The following LEPR variants were observed in gnomAD, a reference collection of about 807,000 sequenced individuals.
The protein encoded by LEPR is OB receptor.
Under a neutral mutation model 114.7 loss-of-function variants are expected in LEPR, and 56 were observed. The ratio of observed to expected loss-of-function variants is 0.49; its 90% CI spans 0.39 to 0.61. The LOEUF is 0.61. Among genes scored for constraint, LEPR ranks in the 20% least tolerant of loss-of-function variants. The pLI is 0.00. For missense variants in LEPR, 1,202 were observed against 1,352.9 expected, an observed-to-expected ratio of 0.89 and a Z score of 1.75; for synonymous variants, 443 against 461.4, an observed-to-expected ratio of 0.96 and a Z score of 0.51.
At chr1:65,542,751 A>G (rs1651329119) in intron 2 of LEPR, among the ~76,000 whole-genome samples, 1 of 151,906 alleles carries the variant, frequency 6.6e-6, no homozygotes. Context: ...GCTGAGAATG[A>G]TGGTTTCCAG....
Position 65,572,405 on chromosome 1 carries a change from T to G in LEPR, c.450T>G (p.Asn150Lys). Residue 150 changes from asparagine to lysine, a missense_variant, in exon 5 of 20, where the codon AAT becomes AAG. Transcript: ENST00000349533. The stretch of plus-strand genomic sequence containing the variant: ...GTTATGTGGAGTCATTATTTAAGAA[T>G]CTATTCAGGAATTATAACTATAAGG... ...FICYVESLFK[N>K]LFRNYNYKVH... is the part of the protein sequence containing the mutation. The G allele has an allele frequency of 6.4e-7, 1 of 1,557,868 alleles. No homozygotes were observed. The highest frequency in any genetic ancestry group is 8.7e-7 in the Non-Finnish European group (1 of 1,144,158).
intron 2 of LEPR, among the ~76,000 whole-genome samples, chr1:65,472,411 A>ACACAC (rs1553156042): frequency 2.3e-5 from 3 of 133,286 alleles, no homozygotes; most frequent in African/African-American, 8.7e-5. Context: ...CTGTGGCTAA[A>ACACAC]ACACACACAC....
At chr1:65,441,673 C>T (rs1385704465) in intron 2 of LEPR, among the ~76,000 whole-genome samples, 5 of 151,946 alleles carry the variant, frequency 3.3e-5, no homozygotes, top group Admixed American at 6.6e-5. Flanking sequence ...ATCAGAATGA[C>T]GAAGGGGAAG....
chr1:65,635,537 TCATTGTTCTCTA>T (rs763755813), intron 19 of LEPR: 26 of 234,760 alleles, frequency 1.1e-4, no homozygotes, highest in Non-Finnish European at 1.7e-4. Context: ...TCTTTCATCA[TCATTGTTCTCTA>T]CATATGATAT....
chr1:65,526,836 C>T (rs978373898), intron 2 of LEPR, among the ~76,000 whole-genome samples: 1 of 152,248 alleles, frequency 6.6e-6, no homozygotes, highest in Admixed American at 6.5e-5. Context: ...CTCTCTTTAA[C>T]TTGTTACAAA....
chr1:65,525,072 C>T (rs1391052132), intron 2 of LEPR, among the ~76,000 whole-genome samples: 1 of 152,188 alleles, frequency 6.6e-6, no homozygotes, highest in Admixed American at 6.5e-5. Context: ...AACACCCCCA[C>T]CCACCAGATG....
Position 65,565,539 on chromosome 1 carries a change from T to G in LEPR, c.-20-7T>G. 6.2e-7 allele frequency: 1 copy of G among 1,613,814 alleles called. No homozygotes were observed. On this transcript the variant is annotated splice_polypyrimidine_tract_variant and splice_region_variant and intron_variant, in intron 2 of 19. Transcript: ENST00000349533. Reference sequence around the variant, plus strand: ...GTGTGTTCTGATTTTAGATTTACCTTTTCCAGGTGTACTTCTCTGAAGTAA... The same window carrying G: ...GTGTGTTCTGATTTTAGATTTACCTGTTCCAGGTGTACTTCTCTGAAGTAA...
chr1:65,575,023 C>T (rs566569494), intron 5 of LEPR, among the ~76,000 whole-genome samples: 1 of 152,174 alleles, frequency 6.6e-6, no homozygotes, highest in African/African-American at 2.4e-5. Context: ...AGCTGGAATT[C>T]ATATATCCAA....
chr1:65,540,874 C>G (rs1651144072), intron 2 of LEPR, among the ~76,000 whole-genome samples: 1 of 152,138 alleles, frequency 6.6e-6, no homozygotes, highest in South Asian at 2.1e-4. Context: ...CTCTGTCACC[C>G]AGGCTAGAGT....
intron 2 of LEPR, chr1:65,435,780 T>C: frequency 2.0e-6 from 2 of 981,392 alleles, no homozygotes; most frequent in Non-Finnish European, 2.4e-6. Flanking sequence ...AACTGAGAAA[T>C]ATTATGTCTG....
At chr1:65,593,482 G>A (rs989340868) in intron 6 of LEPR, among the ~76,000 whole-genome samples, 3 of 152,074 alleles carry the variant, frequency 2.0e-5, no homozygotes, top group Admixed American at 1.3e-4. Context: ...GAAAATGTTA[G>A]CGCTATGTAT....
chr1:65,578,545 G>A (rs1484965214), intron 5 of LEPR, among the ~76,000 whole-genome samples: 3 of 152,110 alleles, frequency 2.0e-5, no homozygotes, highest in East Asian at 1.9e-4. Context: ...AACAAAAGGA[G>A]ACAGTCTTAT....
Position 65,637,173 on chromosome 1 carries a change from C to T in LEPR, c.*158C>T. 1.2e-6 allele frequency: 1 copy of T among 830,794 alleles called. No individual in the cohort carries two copies. Among genetic ancestry groups the T allele is most frequent in the Non-Finnish European group, 1.8e-6 (1 of 563,028 alleles). The allele number at this position is 830,794 out of a possible 1,614,324, so 51.5% of individuals were successfully genotyped here. A position where few individuals can be genotyped will look rare whatever the true frequency, so the allele number is the denominator to read the frequency against. ...GTTTGTTCTCTCTTAGTAACATAGA[C>T]AAAAAATTTGAGAAAGCCTTCATAA... On this transcript the variant is annotated 3_prime_UTR_variant, in exon 20 of 20. Transcript: ENST00000349533.
intron 2 of LEPR, among the ~76,000 whole-genome samples, chr1:65,440,109 A>G (rs1646630723): frequency 6.6e-6 from 1 of 151,870 alleles, no homozygotes; most frequent in African/African-American, 2.4e-5. Flanking sequence ...GGTGCTATTT[A>G]AATAGGGTGG....
At chr1:65,500,411 C>T (rs748249898) in intron 2 of LEPR, among the ~76,000 whole-genome samples, 1 of 152,048 alleles carries the variant, frequency 6.6e-6, no homozygotes, top group African/African-American at 2.4e-5. Flanking sequence ...GACCCTTAAA[C>T]AACATGAGTT....
intron 2 of LEPR, among the ~76,000 whole-genome samples, chr1:65,441,120 T>A (rs1016479915): frequency 2.6e-5 from 4 of 152,192 alleles, no homozygotes; most frequent in Non-Finnish European, 2.9e-5. Context: ...TAGAATGAGA[T>A]GAATTCTCAT....
chr1:65,590,109 A>G (rs1340548205), intron 5 of LEPR, among the ~76,000 whole-genome samples: 2 of 151,866 alleles, frequency 1.3e-5, no homozygotes, highest in East Asian at 1.9e-4. Flanking sequence ...ACAGCATTTC[A>G]TAGTTTTCAA....
chr1:65,608,404 G>A (rs1557693383), intron 11 of LEPR, among the ~76,000 whole-genome samples: 1 of 151,904 alleles, frequency 6.6e-6, no homozygotes, highest in South Asian at 2.1e-4. Context: ...CTAATTTTTT[G>A]TATTTTTTAG....
At chr1:65,596,068 CTT>C (rs1289333140) in intron 6 of LEPR, among the ~76,000 whole-genome samples, 1 of 151,770 alleles carries the variant, frequency 6.6e-6, no homozygotes, top group Non-Finnish European at 1.5e-5. Context: ...TGCTTTTTTC[CTT>C]TTTAACCACT....
Sources: gnomAD v4.1 joint callset for allele counts (sites outside exome capture counted in the v4.1 genomes callset) on GRCh38, gnomAD v4.1.1 for gene constraint, MANE v1.5 for transcripts, NCBI Gene and HGNC (gene_info 2026-07-23, HGNC 2026-07-21) for gene names.